Variants in SGCD observed in about 807,000 individuals in gnomAD.
SGCD encodes the protein delta-sarcoglycan.
SGCD carries 18 observed loss-of-function variants against 36.6 expected under a neutral mutation model. That is an observed-to-expected ratio of 0.49 (90% confidence interval 0.34 to 0.73). The LOEUF (loss-of-function observed/expected upper bound fraction) is 0.73. SGCD is among the 30% of genes least tolerant of loss of function. The pLI, the probability that SGCD is intolerant of heterozygous loss-of-function variation, is 0.01. For synonymous variants in SGCD, 133 were observed against 130.6 expected (o/e 1.02, Z -0.12); for missense variants, 387 against 346.7 (o/e 1.12, Z -0.92).
chr5:155,862,439 G>T, the SGCD span, among the ~76,000 whole-genome samples: 1 of 152,070 alleles, frequency 6.6e-6, no homozygotes, highest in African/African-American at 2.4e-5. Flanking sequence ...AAATCCTCCT[G>T]CCTCAGCCTC....
At chr5:156,600,064 T>TA (rs1761128984) in intron 6 of SGCD, among the ~76,000 whole-genome samples, 1 of 152,174 alleles carries the variant, frequency 6.6e-6, no homozygotes, top group Admixed American at 6.5e-5. Flanking sequence ...CAGGCAAACA[T>TA]ACAATTTGAT....
chr5:155,974,340 C>G (rs568682041), intron 1 of SGCD, among the ~76,000 whole-genome samples: 13 of 152,144 alleles, frequency 8.5e-5, no homozygotes, highest in African/African-American at 2.4e-4. Context: ...TGTAAGGCAA[C>G]AAGAAGTTCT....
chr5:155,892,634 G>A (rs929420347), intron 1 of SGCD, among the ~76,000 whole-genome samples: 2 of 152,022 alleles, frequency 1.3e-5, no homozygotes, highest in African/African-American at 4.8e-5. Context: ...CCTAGAATTT[G>A]GAATTTTTGT....
At chr5:156,172,613 A>G (rs1191384909) in intron 3 of SGCD, among the ~76,000 whole-genome samples, 1 of 152,326 alleles carries the variant, frequency 6.6e-6, no homozygotes, top group Admixed American at 6.5e-5. Context: ...TAAACTTTCT[A>G]TCAAGTGAAA....
At chr5:156,499,936 TA>T (rs1056259457) in intron 3 of SGCD, among the ~76,000 whole-genome samples, 1 of 151,596 alleles carries the variant, frequency 6.6e-6, no homozygotes, top group African/African-American at 2.4e-5. Flanking sequence ...TTCTCAACTT[TA>T]AAAAAAAATT....
intron 2 of SGCD, among the ~76,000 whole-genome samples, chr5:156,337,158 A>G (rs1171272747): frequency 6.6e-6 from 1 of 152,178 alleles, no homozygotes; most frequent in Non-Finnish European, 1.5e-5. Flanking sequence ...ATGGATTTCT[A>G]TTTCTGTACC....
intron 1 of SGCD, among the ~76,000 whole-genome samples, chr5:156,085,466 C>T (rs1761069708): frequency 6.6e-6 from 1 of 152,164 alleles, no homozygotes; most frequent in Non-Finnish European, 1.5e-5. Context: ...TCCCACTCTG[C>T]TTTCTGCTGT....
chr5:156,699,179 T>C (rs896321484), intron 7 of SGCD, among the ~76,000 whole-genome samples: 2 of 152,174 alleles, frequency 1.3e-5, no homozygotes, highest in Non-Finnish European at 2.9e-5. Flanking sequence ...GTATGAGAAA[T>C]TGCTTGATGG....
At chr5:155,960,840 C>T (rs554211786) in intron 1 of SGCD, among the ~76,000 whole-genome samples, 9 of 152,232 alleles carry the variant, frequency 5.9e-5, no homozygotes, top group East Asian at 1.9e-4. Context: ...TCTCTGCCAG[C>T]GTGCTGAAAC....
At chr5:156,094,073 A>T (rs1206135958) in intron 1 of SGCD, among the ~76,000 whole-genome samples, 2 of 152,178 alleles carry the variant, frequency 1.3e-5, no homozygotes. Context: ...TTCCCTCATC[A>T]TACTCTGGAA....
intron 1 of SGCD, among the ~76,000 whole-genome samples, chr5:155,909,282 C>T (rs182465398): frequency 4.5e-4 from 69 of 152,172 alleles, no homozygotes; most frequent in East Asian, 2.7e-3. Flanking sequence ...TTCTAATAGA[C>T]CTTAAAAATA....
chr5:155,741,462 C>T, the SGCD span, among the ~76,000 whole-genome samples: 3 of 151,926 alleles, frequency 2.0e-5, no homozygotes, highest in Admixed American at 2.0e-4. Flanking sequence ...TCTTTCAGGG[C>T]CTACTATCTG....
intron 4 of SGCD, among the ~76,000 whole-genome samples, chr5:156,529,042 G>A (rs949750577): frequency 3.3e-5 from 5 of 152,148 alleles, no homozygotes; most frequent in Non-Finnish European, 7.3e-5. Flanking sequence ...TTAGTAGTAA[G>A]AAGATTCCTA....
the SGCD span, among the ~76,000 whole-genome samples, chr5:155,793,908 C>T: frequency 7.6e-6 from 1 of 131,530 alleles, no homozygotes; most frequent in African/African-American, 2.9e-5. Flanking sequence ...TTCCCCTCAA[C>T]ATATTTGCTG....
intron 4 of SGCD, among the ~76,000 whole-genome samples, chr5:156,541,658 G>A (rs1758352183): frequency 6.6e-6 from 1 of 152,078 alleles, no homozygotes. Context: ...AGAAGAAAAG[G>A]GAAAGGAGAC....
chr5:155,842,017 A>T, the SGCD span, among the ~76,000 whole-genome samples: 1 of 152,162 alleles, frequency 6.6e-6, no homozygotes, highest in African/African-American at 2.4e-5. Flanking sequence ...TAACTTTGTC[A>T]CTAGGAGCTT....
chr5:156,349,808 G>A (rs76574299), intron 3 of SGCD, among the ~76,000 whole-genome samples: 19,059 of 151,872 alleles, frequency 0.13, 1,431 homozygotes, highest in Middle Eastern at 0.22. Context: ...TTTTTTTGCA[G>A]CACATTTCAC....
At chr5:156,631,760 G>T (rs1762644382) in intron 6 of SGCD, among the ~76,000 whole-genome samples, 1 of 151,952 alleles carries the variant, frequency 6.6e-6, no homozygotes, top group African/African-American at 2.4e-5. Flanking sequence ...CTATCCTGTG[G>T]ATTTCCATTT....
chr5:156,453,360 T>C (rs1382452966), intron 3 of SGCD, among the ~76,000 whole-genome samples: 1 of 152,126 alleles, frequency 6.6e-6, no homozygotes, highest in Non-Finnish European at 1.5e-5. Flanking sequence ...TTTTACAAGG[T>C]AGTGAGCACC....
Sources: gnomAD v4.1 joint callset for allele counts (sites outside exome capture counted in the v4.1 genomes callset) on GRCh38, gnomAD v4.1.1 for gene constraint, MANE v1.5 for transcripts, NCBI Gene and HGNC (gene_info 2026-07-23, HGNC 2026-07-21) for gene names.